The following CDH4 variants were observed in gnomAD, a reference collection of about 807,000 sequenced individuals.
The protein encoded by CDH4 is cadherin-4.
Under a neutral mutation model 86.0 loss-of-function variants are expected in CDH4, and 33 were observed. The observed-to-expected ratio is 0.38, with a 90% CI of 0.29 to 0.51. CDH4 has a LOEUF of 0.51. Among genes scored for constraint, CDH4 ranks in the 20% least tolerant of loss-of-function variants. The pLI is 0.86. For synonymous variants in CDH4, 555 were observed against 549.4 expected (o/e 1.01, Z -0.14); for missense variants, 1,114 against 1,307.4 (o/e 0.85, Z 2.28).
At chr20:61,284,410 AAC>A (rs2084282075) in intron 2 of CDH4, among the ~76,000 whole-genome samples, 1 of 152,148 alleles carries the variant, frequency 6.6e-6, no homozygotes, top group African/African-American at 2.4e-5. Context: ...GCCTTGTGCA[AAC>A]ACAGAGATTC....
intron 8 of CDH4, among the ~76,000 whole-genome samples, chr20:61,897,227 A>G (rs1381266937): frequency 6.6e-6 from 1 of 152,084 alleles, no homozygotes; most frequent in Admixed American, 6.5e-5. Flanking sequence ...GTGGTCCTAA[A>G]TCCCAAAATT....
intron 2 of CDH4, among the ~76,000 whole-genome samples, chr20:61,355,994 A>G (rs1172424131): frequency 6.6e-6 from 1 of 152,238 alleles, no homozygotes; most frequent in Admixed American, 6.5e-5. Context: ...CATAAAGTTT[A>G]TCATGCACTT....
At chr20:61,924,247 C>A in intron 10 of CDH4, 87 bp from the exon 11 acceptor site, 1 of 1,364,930 alleles carries the variant, frequency 7.3e-7, no homozygotes, top group Non-Finnish European at 1.0e-6. Flanking sequence ...GGCCCAGGCC[C>A]TGGAGGTGTG....
chr20:61,294,884 A>G (rs1285923801), intron 2 of CDH4, among the ~76,000 whole-genome samples: 2 of 152,230 alleles, frequency 1.3e-5, no homozygotes, highest in Non-Finnish European at 2.9e-5. Flanking sequence ...TGGCTGGTGC[A>G]TCGGGCACAG....
chr20:61,416,798 A>G (rs961779189), intron 2 of CDH4, among the ~76,000 whole-genome samples: 2 of 152,230 alleles, frequency 1.3e-5, no homozygotes, highest in African/African-American at 2.4e-5. Context: ...AAAGGGACAG[A>G]GGACATAGCT....
intron 2 of CDH4, among the ~76,000 whole-genome samples, chr20:61,585,463 C>T (rs2798588): frequency 0.77 from 117,381 of 152,230 alleles, 45,299 homozygotes; most frequent in Admixed American, 0.83. Flanking sequence ...TTATAAAATG[C>T]CTATTATTTT....
In CDH4 at chr20:61,337,010, T is replaced by A. The variant is rs35493791; in HGVS notation, c.169+82073T>A. ...ACATGCCTCTTCTCTGTGTCATAGC[T>A]CCCTCTCACTGTGAGGTTCACAGCA... On this transcript the variant is annotated intron_variant, in intron 2 of 15. Transcript: ENST00000614565. 4.0e-5 allele frequency among the ~76,000 whole-genome samples: 6 copies of A among 151,896 alleles called. No homozygotes were observed. The East Asian group carries it at 7.9e-4, about 20-fold the overall frequency.
At chr20:61,850,027 G>A (rs1759828648) in intron 5 of CDH4, among the ~76,000 whole-genome samples, 2 of 152,224 alleles carry the variant, frequency 1.3e-5, no homozygotes, top group African/African-American at 2.4e-5. Context: ...GCCTGAGTAC[G>A]CTGACGACTG....
chr20:61,271,655 G>A (rs187541218), intron 2 of CDH4, among the ~76,000 whole-genome samples: 3 of 152,298 alleles, frequency 2.0e-5, no homozygotes, highest in East Asian at 1.9e-4. Context: ...ACAGCGGTGC[G>A]TGAAGCCACG....
In CDH4 at chr20:61,518,235, C is replaced by T. The variant is rs908351745; in HGVS notation, c.170-225328C>T. Reference sequence around the variant, plus strand: ...GTTCCTAGGACGAGGAAGCCCGTGCCTCTCCACAGGCTGACTGCATGGTGG... The same window carrying T: ...GTTCCTAGGACGAGGAAGCCCGTGCTTCTCCACAGGCTGACTGCATGGTGG... On this transcript the variant is annotated intron_variant, in intron 2 of 15. Coordinates refer to ENST00000614565, the MANE Select transcript of CDH4 (RefSeq NM_001794.5). The surrounding 1 kb of genome is among the most constrained non-coding windows in gnomAD (Gnocchi z 6.3). Among the ~76,000 whole-genome samples the T allele has an allele frequency of 5.3e-5, 8 of 152,188 alleles. No homozygotes were observed. The highest frequency in any genetic ancestry group is 1.9e-4 in the African/African-American group (8 of 41,438).
At chr20:61,396,349 CTG>C (rs1214876170) in intron 2 of CDH4, among the ~76,000 whole-genome samples, 2 of 152,148 alleles carry the variant, frequency 1.3e-5, no homozygotes, top group Non-Finnish European at 2.9e-5. Flanking sequence ...GAGCCTGGGA[CTG>C]TGTATGGAAC....
chr20:61,284,361 C>T (rs989760253), intron 2 of CDH4, among the ~76,000 whole-genome samples: 45 of 152,146 alleles, frequency 3.0e-4, no homozygotes, highest in African/African-American at 1.0e-3. Flanking sequence ...TTGTGCATCA[C>T]GTTTGTGTTT....
At chr20:61,584,949 C>T (rs567791899) in intron 2 of CDH4, among the ~76,000 whole-genome samples, 4 of 152,192 alleles carry the variant, frequency 2.6e-5, no homozygotes, top group African/African-American at 7.2e-5. Flanking sequence ...AGGGGCATTT[C>T]CCTGGAAAGC....
chr20:61,692,115 ATG>A (rs894821111), intron 2 of CDH4, among the ~76,000 whole-genome samples: 21 of 149,396 alleles, frequency 1.4e-4, no homozygotes, highest in African/African-American at 4.5e-4. Flanking sequence ...GTGTGTATGC[ATG>A]TGTGTGTCTG....
intron 2 of CDH4, among the ~76,000 whole-genome samples, chr20:61,451,769 G>A (rs2085382220): frequency 6.6e-6 from 1 of 152,154 alleles, no homozygotes; most frequent in African/African-American, 2.4e-5. Flanking sequence ...GGGCAGGAGG[G>A]CTCCCTGGCC....
At chr20:61,793,837 T>TAAA (rs377261591) in intron 4 of CDH4, among the ~76,000 whole-genome samples, 2 of 104,134 alleles carry the variant, frequency 1.9e-5, no homozygotes, top group East Asian at 2.9e-4. Flanking sequence ...AGACTGCATT[T>TAAA]AAAAAAAAAA....
chr20:61,822,339 T>C (rs7363328), intron 4 of CDH4, among the ~76,000 whole-genome samples: 1 of 152,236 alleles, frequency 6.6e-6, no homozygotes, highest in African/African-American at 2.4e-5. Flanking sequence ...AGCAATAATG[T>C]GGGAGACAGT....
intron 2 of CDH4, among the ~76,000 whole-genome samples, chr20:61,677,459 G>A (rs990159457): frequency 6.6e-6 from 1 of 152,194 alleles, no homozygotes; most frequent in East Asian, 1.9e-4. Flanking sequence ...TTGTTAATGT[G>A]TTATAGTTGG....
chr20:61,261,618 C>T (rs2084128005), intron 2 of CDH4, among the ~76,000 whole-genome samples: 2 of 152,122 alleles, frequency 1.3e-5, no homozygotes, highest in African/African-American at 2.4e-5. Flanking sequence ...TCTGTTTTCC[C>T]TCTTTGTGCA....
Sources: allele counts gnomAD v4.1 joint callset (sites outside exome capture counted in the v4.1 genomes callset), GRCh38; gene constraint gnomAD v4.1.1; non-coding constraint Gnocchi (gnomAD v3.1); transcripts MANE v1.5; gene names NCBI Gene and HGNC (gene_info 2026-07-23, HGNC 2026-07-21).